The following CDK13 variants were observed in gnomAD, a reference collection of about 807,000 sequenced individuals.
CDK13 encodes the protein cyclin dependent kinase 13, also known as cyclin-dependent kinase 13.
CDK13 carries 40 observed loss-of-function variants against 137.6 expected under a neutral mutation model. The ratio of observed to expected loss-of-function variants is 0.29; its 90% CI spans 0.23 to 0.38. The LOEUF is 0.38. Among genes scored for constraint, CDK13 ranks in the 10% least tolerant of loss-of-function variants. The pLI is 1.00. For synonymous variants in CDK13, 869 were observed against 760.1 expected (o/e 1.14, Z -2.36); for missense variants, 1,704 against 1,951.8 (o/e 0.87, Z 2.39).
At chr7:39,982,261 C>A (rs1439655230) in intron 1 of CDK13, among the ~76,000 whole-genome samples, 1 of 150,424 alleles carries the variant, frequency 6.6e-6, no homozygotes, top group Admixed American at 6.7e-5. Context: ...TGAGAACATG[C>A]GGTGTTTGGT....
At chr7:39,985,828 A>G (rs1562712625) in intron 1 of CDK13, 1 of 152,246 alleles carries the variant, frequency 6.6e-6, no homozygotes, top group African/African-American at 2.4e-5. Context: ...GAGAAGCCCA[A>G]AGGGCCAGGA....
At chr7:39,951,919 A>C in intron 1 of CDK13, 67 bp downstream of exon 1, 1 of 1,311,466 alleles carries the variant, frequency 7.6e-7, no homozygotes, top group Non-Finnish European at 9.7e-7. Context: ...AGGAAGGGAA[A>C]GTGGTGCCCG....
intron 7 of CDK13, among the ~76,000 whole-genome samples, chr7:40,051,059 G>A (rs966047142): frequency 1.3e-5 from 2 of 152,094 alleles, no homozygotes; most frequent in South Asian, 4.1e-4. Context: ...CTGGGCCATG[G>A]TCCCTGTTGC....
intron 1 of CDK13, among the ~76,000 whole-genome samples, chr7:39,966,800 T>A (rs996118121): frequency 6.6e-6 from 1 of 152,186 alleles, no homozygotes; most frequent in African/African-American, 2.4e-5. Context: ...GGTGTGGATG[T>A]CCTTTCTGCT....
rs1784172482 is a variant in CDK13 at position 39,979,215 on chromosome 7, T to TC, written c.1212-8383dup. Among the ~76,000 whole-genome samples the TC allele has an allele frequency of 2.4e-5, 3 of 123,182 alleles. No homozygotes were observed. In the South Asian group the frequency reaches 6.9e-4, roughly 28 times the overall value. 80.8% of individuals were successfully genotyped at this position (123,182 alleles called of 152,430 possible). A position where few individuals can be genotyped will look rare whatever the true frequency, so the allele number is the denominator to read the frequency against. ...CGTAGATTTTTTTCTTTCTTTTTTT[T>TC]CTTTTTTTTTTTTTTTTGAGACAGA... On this transcript the variant is annotated intron_variant, in intron 1 of 13. Transcript: ENST00000181839.
intron 1 of CDK13, among the ~76,000 whole-genome samples, chr7:39,961,080 TG>T (rs1787606116): frequency 6.6e-6 from 1 of 151,754 alleles, no homozygotes; most frequent in African/African-American, 2.4e-5. Flanking sequence ...ACTCTTTGGC[TG>T]GGCACAGTGG....
intron 9 of CDK13, among the ~76,000 whole-genome samples, chr7:40,069,024 A>G (rs1342923588): frequency 6.6e-6 from 1 of 152,170 alleles, no homozygotes; most frequent in Non-Finnish European, 1.5e-5. Context: ...ACTAGAGCCC[A>G]GGAGTTTGAG....
intron 9 of CDK13, chr7:40,070,453 G>A (rs1447227635): frequency 7.1e-6 from 1 of 141,212 alleles, no homozygotes; most frequent in Non-Finnish European, 1.5e-5. Context: ...AATGACTCAC[G>A]CCTGTAATCC....
intron 11 of CDK13, among the ~76,000 whole-genome samples, chr7:40,080,338 A>G (rs1471176221): frequency 6.6e-6 from 1 of 152,168 alleles, no homozygotes; most frequent in African/African-American, 2.4e-5. Context: ...AAGCAAGCCT[A>G]TTATCTATAA....
At chr7:39,976,319 T>TCACACACACACACACA (rs1320736487) in intron 1 of CDK13, among the ~76,000 whole-genome samples, 2 of 54,288 alleles carry the variant, frequency 3.7e-5, no homozygotes, top group Admixed American at 2.0e-4. Context: ...TCTCTCTCTC[T>TCACACACACACACACA]CTCTCACACA....
intron 1 of CDK13, among the ~76,000 whole-genome samples, chr7:39,958,335 A>AT (rs900991911): frequency 6.6e-6 from 1 of 151,698 alleles, no homozygotes; most frequent in African/African-American, 2.4e-5. Flanking sequence ...TCTTAGAGTC[A>AT]TTTTTTTTCT....
At position 40,092,918 on chromosome 7, in the gene CDK13, A is replaced by G; in HGVS notation, c.3369A>G (p.Gln1123=). The G allele has an allele frequency of 3.7e-6, 6 of 1,614,234 alleles. No homozygotes were observed. The highest frequency in any genetic ancestry group is 5.1e-6 in the Non-Finnish European group (6 of 1,180,042). The stretch of plus-strand genomic sequence containing the variant: ...ACATTAAGGTAAACTCTGAGACTCA[A>G]CAGCAGCTAAATAAAATAAACCTTC... ...VLNIKVNSET[Q]QQLNKINLPA... Residue 1123 remains glutamine, a synonymous_variant, in exon 13 of 14, where the codon CAA becomes CAG. Coordinates refer to ENST00000181839, the MANE Select transcript of CDK13 (RefSeq NM_003718.5).
chr7:40,038,516 A>G (rs1313911468), intron 5 of CDK13, among the ~76,000 whole-genome samples: 1 of 152,196 alleles, frequency 6.6e-6, no homozygotes, highest in Non-Finnish European at 1.5e-5. Flanking sequence ...TCAAAGGGAA[A>G]TACTGAATGT....
chr7:40,068,530 CTAAAAAT>C (rs1786334493), intron 9 of CDK13, among the ~76,000 whole-genome samples: 1 of 151,282 alleles, frequency 6.6e-6, no homozygotes, highest in Non-Finnish European at 1.5e-5. Flanking sequence ...CCTGTCTCTA[CTAAAAAT>C]ACAAAAATTA....
intron 1 of CDK13, among the ~76,000 whole-genome samples, chr7:39,968,058 T>G (rs533485086): frequency 1.3e-5 from 2 of 152,308 alleles, no homozygotes; most frequent in African/African-American, 4.8e-5. Context: ...GAATGTCTAT[T>G]TAGGTCCTTT....
intron 5 of CDK13, among the ~76,000 whole-genome samples, chr7:40,028,972 A>G (rs1785305988): frequency 6.6e-6 from 1 of 152,082 alleles, no homozygotes; most frequent in South Asian, 2.1e-4. Context: ...ATGGAAAAAT[A>G]TATTAGATAT....
chr7:40,028,864 A>T (rs1392480517), intron 5 of CDK13, among the ~76,000 whole-genome samples: 1 of 151,784 alleles, frequency 6.6e-6, no homozygotes, highest in African/African-American at 2.4e-5. Flanking sequence ...TAAAGAGAAA[A>T]TTAATTTCCC....
Position 39,950,836 on chromosome 7 carries a change from C to A in CDK13, c.195C>A (p.Gly65=). The change falls in exon 1 of 14, where the codon GGC becomes GGA. Residue 65 remains glycine, a synonymous_variant. Coordinates refer to ENST00000181839, the MANE Select transcript of CDK13 (RefSeq NM_003718.5). ...PPPLLFLAAP[G]TAAAAAAAAA... is the part of the protein sequence containing the mutation. ...CTCTGCTCTTCCTGGCTGCTCCCGG[C>A]ACGGCCGCCGCCGCAGCCGCCGCCG... 7.2e-7 allele frequency: 1 copy of A among 1,387,330 alleles called. No individual in the cohort carries two copies. The allele number at this position is 1,387,330 out of a possible 1,614,324, so 85.9% of individuals were successfully genotyped here. A position where few individuals can be genotyped will look rare whatever the true frequency, so the allele number is the denominator to read the frequency against.
At chr7:40,056,625 G>A (rs1786025373) in intron 7 of CDK13, among the ~76,000 whole-genome samples, 1 of 152,240 alleles carries the variant, frequency 6.6e-6, no homozygotes, top group Non-Finnish European at 1.5e-5. Context: ...ACTTTGGAAA[G>A]TGGTTTGGCC....
Sources: gnomAD v4.1 joint callset for allele counts (sites outside exome capture counted in the v4.1 genomes callset) on GRCh38, gnomAD v4.1.1 for gene constraint, MANE v1.5 for transcripts, NCBI Gene and HGNC (gene_info 2026-07-23, HGNC 2026-07-21) for gene names.